Variants in EXOC4 observed in about 807,000 individuals in gnomAD.
The protein encoded by EXOC4 is exocyst complex component 4, also known as SEC8-like 1.
In EXOC4, 71 loss-of-function variants were observed where a neutral mutation model predicts 107.2. The observed-to-expected ratio is 0.66, with a 90% CI of 0.55 to 0.81. EXOC4 has a LOEUF of 0.81. Among genes scored for constraint, EXOC4 ranks in the 30% least tolerant of loss-of-function variants. The pLI, the probability that EXOC4 is intolerant of heterozygous loss-of-function variation, is 0.00. For synonymous variants in EXOC4, 456 were observed against 441.2 expected, an observed-to-expected ratio of 1.03 and a Z score of -0.42; for missense variants, 1,108 against 1,189.6, an observed-to-expected ratio of 0.93 and a Z score of 1.01.
At chr7:133,521,122 A>G (rs376647258) in intron 9 of EXOC4, among the ~76,000 whole-genome samples, 2 of 152,144 alleles carry the variant, frequency 1.3e-5, no homozygotes, top group Admixed American at 6.5e-5. Flanking sequence ...TGACGTTTGT[A>G]TCTGTCAGGC....
intron 10 of EXOC4, among the ~76,000 whole-genome samples, chr7:133,807,907 C>T (rs1797116239): frequency 6.6e-6 from 1 of 152,188 alleles, no homozygotes; most frequent in Non-Finnish European, 1.5e-5. Context: ...TCACAAATCA[C>T]TTGCAATATA....
chr7:133,789,470 A>G (rs894075335), intron 10 of EXOC4, among the ~76,000 whole-genome samples: 1 of 152,182 alleles, frequency 6.6e-6, no homozygotes, highest in Non-Finnish European at 1.5e-5. Context: ...TTCTGACTGT[A>G]GTTTCACACT....
At chr7:134,084,150 C>T in the EXOC4 span, among the ~76,000 whole-genome samples, 2 of 152,148 alleles carry the variant, frequency 1.3e-5, no homozygotes, top group South Asian at 2.1e-4. Context: ...CATGACTCAT[C>T]CAAGGGTGTG....
Position 133,824,872 on chromosome 7 carries a change from G to A in EXOC4, c.1734+7328G>A, listed in dbSNP as rs117420258. On this transcript the variant is annotated intron_variant, in intron 11 of 17. Transcript: ENST00000253861. ...TTTAGGGTTTGTCTTAATCCAGGAC[G>A]ATCTCATCTCAATCCTTACCTTAAT... Among the ~76,000 whole-genome samples the A allele has an allele frequency of 3.3e-3, 507 of 152,186 alleles. 2 individuals carry two copies. The highest frequency in any genetic ancestry group is 4.9e-3 in the Non-Finnish European group (332 of 68,016).
chr7:133,297,313 A>G (rs1028046835), intron 3 of EXOC4, among the ~76,000 whole-genome samples: 2 of 151,934 alleles, frequency 1.3e-5, no homozygotes, highest in African/African-American at 4.8e-5. Flanking sequence ...ACTGACTTGC[A>G]CTCTTTAGAA....
At chr7:133,925,818 A>G (rs1226429869) in intron 13 of EXOC4, among the ~76,000 whole-genome samples, 3 of 152,122 alleles carry the variant, frequency 2.0e-5, no homozygotes, top group Non-Finnish European at 4.4e-5. Context: ...CGAGTGGATC[A>G]CAAGGTCAGG....
intron 7 of EXOC4, among the ~76,000 whole-genome samples, chr7:133,446,637 C>T (rs191438691): frequency 6.6e-6 from 1 of 152,218 alleles, no homozygotes; most frequent in East Asian, 1.9e-4. Flanking sequence ...ATTTGGAAAA[C>T]GTAACTTTAG....
At chr7:134,084,230 A>G in the EXOC4 span, among the ~76,000 whole-genome samples, 22 of 152,322 alleles carry the variant, frequency 1.4e-4, no homozygotes, top group Middle Eastern at 3.4e-3. Context: ...AGTTGCTTCT[A>G]AGCCAGACTT....
At chr7:133,659,057 T>C (rs566416276) in intron 10 of EXOC4, among the ~76,000 whole-genome samples, 1 of 117,216 alleles carries the variant, frequency 8.5e-6, no homozygotes, top group Non-Finnish European at 1.6e-5. Flanking sequence ...GAAAAGGGGC[T>C]GGTTTCTCCA....
chr7:133,522,897 A>T lies in EXOC4; in HGVS notation c.1417+42759A>T, dbSNP rs28495213. ...CTGATATGACCATATAAAAACCATG[A>T]CCAACTGGTTTGTTTTTAACTCTTA... On this transcript the variant is annotated intron_variant, in intron 9 of 17. Transcript: ENST00000253861. Among the ~76,000 whole-genome samples, 144 of 152,224 alleles carry T rather than the reference A, an allele frequency of 9.5e-4. 2 individuals are homozygous for T. The highest frequency in any genetic ancestry group is 3.3e-3 in the African/African-American group (136 of 41,558).
At chr7:133,786,153 A>G (rs1460603893) in intron 10 of EXOC4, among the ~76,000 whole-genome samples, 1 of 152,238 alleles carries the variant, frequency 6.6e-6, no homozygotes, top group East Asian at 1.9e-4. Flanking sequence ...TTTGGAGGAC[A>G]CTAGAATGTC....
intron 9 of EXOC4, among the ~76,000 whole-genome samples, chr7:133,541,012 G>A (rs1415209894): frequency 6.6e-6 from 1 of 152,004 alleles, no homozygotes; most frequent in East Asian, 1.9e-4. Flanking sequence ...ATTAAGATAT[G>A]CAATAATAAG....
At chr7:133,593,313 G>C (rs1469853287) in intron 9 of EXOC4, among the ~76,000 whole-genome samples, 1 of 152,198 alleles carries the variant, frequency 6.6e-6, no homozygotes, top group African/African-American at 2.4e-5. Context: ...TGGTTGTGGA[G>C]TCTGACGTTT....
At position 133,540,208 on chromosome 7, in the gene EXOC4, C is replaced by A. The variant is rs1250008549; in HGVS notation, c.1417+60070C>A. On this transcript the variant is annotated intron_variant, in intron 9 of 17. Transcript: ENST00000253861. ...CTAATGCAATTGCTTATAGGAGCTGCAATTTTACTCCTGATGGCTACTTTC... is the reference window on the plus strand; with the variant it reads ...CTAATGCAATTGCTTATAGGAGCTGAAATTTTACTCCTGATGGCTACTTTC... Among the ~76,000 whole-genome samples, 5 of 152,178 alleles carry A rather than the reference C, an allele frequency of 3.3e-5. No homozygotes were observed. The East Asian group carries it at 9.6e-4, about 29-fold the overall frequency.
At chr7:133,787,963 TTATATATATATATATATATA>T (rs1163259405) in intron 10 of EXOC4, among the ~76,000 whole-genome samples, 1,355 of 40,970 alleles carry the variant, frequency 0.033, 79 homozygotes, top group African/African-American at 0.1. Flanking sequence ...ATTTATATAT[TTATATATATATATATATATA>T]TATATATATA....
intron 9 of EXOC4, among the ~76,000 whole-genome samples, chr7:133,569,728 A>G (rs776189232): frequency 1.3e-5 from 2 of 152,196 alleles, no homozygotes; most frequent in Admixed American, 6.5e-5. Flanking sequence ...ATATTTAACT[A>G]TCCTTCAAAT....
At chr7:133,595,328 GTC>G (rs1801641303) in intron 9 of EXOC4, among the ~76,000 whole-genome samples, 1 of 152,186 alleles carries the variant, frequency 6.6e-6, no homozygotes, top group Non-Finnish European at 1.5e-5. Context: ...AACCTAGAAA[GTC>G]TGTCTCTACC....
intron 9 of EXOC4, among the ~76,000 whole-genome samples, chr7:133,599,273 C>G (rs963987168): frequency 1.3e-5 from 2 of 152,168 alleles, no homozygotes; most frequent in African/African-American, 4.8e-5. Flanking sequence ...GGACATGACT[C>G]TGTGTACAAA....
intron 3 of EXOC4, among the ~76,000 whole-genome samples, chr7:133,291,277 A>G (rs560385298): frequency 1.3e-4 from 20 of 151,826 alleles, no homozygotes; most frequent in Non-Finnish European, 2.8e-4. Flanking sequence ...TCTTCTCCCA[A>G]TTGGGGATTT....
Sources: allele counts gnomAD v4.1 joint callset (sites outside exome capture counted in the v4.1 genomes callset), GRCh38; gene constraint gnomAD v4.1.1; transcripts MANE v1.5; gene names NCBI Gene and HGNC (gene_info 2026-07-23, HGNC 2026-07-21).